The following SOX5 variants were observed in gnomAD, a reference collection of about 807,000 sequenced individuals.
SOX5 encodes transcription factor SOX-5.
Under a neutral mutation model 92.0 loss-of-function variants are expected in SOX5, and 9 were observed. That is an observed-to-expected ratio of 0.10 (90% CI 0.06 to 0.17). The LOEUF is 0.17. Ranked by LOEUF, SOX5 falls within the 10% of genes least tolerant of loss-of-function variation. The pLI is 1.00. For synonymous variants in SOX5, 344 were observed against 336.3 expected, an observed-to-expected ratio of 1.02 and a Z score of -0.25; for missense variants, 642 against 944.5, an observed-to-expected ratio of 0.68 and a Z score of 4.20.
chr12:23,683,427 A>G (rs1018607817), intron 6 of SOX5, among the ~76,000 whole-genome samples: 2 of 151,946 alleles, frequency 1.3e-5, no homozygotes, highest in African/African-American at 4.8e-5. Context: ...ACTGATCTGG[A>G]AAAATGTCAG....
chr12:24,546,932 T>C (rs1054535349), intron 1 of SOX5, among the ~76,000 whole-genome samples: 3 of 152,164 alleles, frequency 2.0e-5, no homozygotes, highest in African/African-American at 7.2e-5. Context: ...ACATAGGCCA[T>C]TATTAGCTCC....
chr12:23,612,189 A>C (rs1159144193), intron 8 of SOX5, among the ~76,000 whole-genome samples: 1 of 152,038 alleles, frequency 6.6e-6, no homozygotes, highest in South Asian at 2.1e-4. Context: ...GTATGCCATA[A>C]ATGAATATCA....
chr12:23,816,207 CTTT>C (rs11347313), intron 3 of SOX5, among the ~76,000 whole-genome samples: 25 of 129,600 alleles, frequency 1.9e-4, no homozygotes, highest in Admixed American at 6.4e-4. Flanking sequence ...GACAAGATTT[CTTT>C]TTTTTTTTTT....
chr12:24,301,490 C>T (rs1947942415), intron 2 of SOX5, among the ~76,000 whole-genome samples: 1 of 152,078 alleles, frequency 6.6e-6, no homozygotes, highest in Admixed American at 6.6e-5. Flanking sequence ...TATGCATTTT[C>T]CACCTCTCCA....
intron 3 of SOX5, among the ~76,000 whole-genome samples, chr12:23,792,854 A>G (rs1340157595): frequency 6.6e-6 from 1 of 152,054 alleles, no homozygotes; most frequent in Non-Finnish European, 1.5e-5. Flanking sequence ...ACTGTCCTGG[A>G]TGAACAGAAA....
intron 4 of SOX5, among the ~76,000 whole-genome samples, chr12:24,070,219 G>A (rs1030130704): frequency 3.3e-5 from 5 of 151,866 alleles, no homozygotes; most frequent in Admixed American, 6.6e-5. Flanking sequence ...TGTCCCTTCC[G>A]CTCCCTCCCC....
chr12:23,686,643 C>T (rs2087641043), intron 6 of SOX5, among the ~76,000 whole-genome samples: 1 of 152,082 alleles, frequency 6.6e-6, no homozygotes, highest in African/African-American at 2.4e-5. Context: ...TATGACATAT[C>T]CTTTCTATAT....
intron 4 of SOX5, among the ~76,000 whole-genome samples, chr12:24,175,615 T>C (rs1954720398): frequency 6.6e-6 from 1 of 152,232 alleles, no homozygotes; most frequent in African/African-American, 2.4e-5. Context: ...CATATATATT[T>C]TATTTGTATG....
At chr12:24,140,524 T>G (rs1375001351) in intron 4 of SOX5, among the ~76,000 whole-genome samples, 2 of 152,168 alleles carry the variant, frequency 1.3e-5, no homozygotes, top group Non-Finnish European at 2.9e-5. Flanking sequence ...TTGATGCCAA[T>G]GAAATATATT....
chr12:24,439,218 T>C (rs1262165154), intron 1 of SOX5, among the ~76,000 whole-genome samples: 3 of 152,250 alleles, frequency 2.0e-5, no homozygotes, highest in African/African-American at 7.2e-5. Flanking sequence ...AATTAAGGTA[T>C]GTACGTTCTT....
At chr12:23,973,112 T>C (rs1948526519) in intron 4 of SOX5, among the ~76,000 whole-genome samples, 1 of 151,638 alleles carries the variant, frequency 6.6e-6, no homozygotes. Flanking sequence ...CATAATGTCC[T>C]CCAGGTCCAT....
chr12:24,215,313 G>A (rs867065600), intron 3 of SOX5, among the ~76,000 whole-genome samples: 35 of 152,148 alleles, frequency 2.3e-4, no homozygotes, highest in Middle Eastern at 3.4e-3. Flanking sequence ...TATGATTATC[G>A]CTATTTGTAG....
At chr12:24,065,645 C>CAACAA (rs1940570592) in intron 4 of SOX5, among the ~76,000 whole-genome samples, 1 of 81,672 alleles carries the variant, frequency 1.2e-5, no homozygotes, top group Non-Finnish European at 2.3e-5. Context: ...GACTCCATCT[C>CAACAA]AAAAAAAAAA....
At chr12:23,779,954 A>AGTGT (rs1255750782) in intron 3 of SOX5, among the ~76,000 whole-genome samples, 3 of 41,070 alleles carry the variant, frequency 7.3e-5, no homozygotes, top group African/African-American at 1.4e-4. Context: ...ACACAGCGAG[A>AGTGT]CTGTGTGTGT....
At chr12:23,734,112 C>G (rs1468335495) in intron 6 of SOX5, among the ~76,000 whole-genome samples, 1 of 152,178 alleles carries the variant, frequency 6.6e-6, no homozygotes, top group African/African-American at 2.4e-5. Context: ...GTTACCAATA[C>G]AGCTGCTTCC....
chr12:24,400,009 T>C (rs1961128088), intron 1 of SOX5, among the ~76,000 whole-genome samples: 1 of 152,236 alleles, frequency 6.6e-6, no homozygotes, highest in African/African-American at 2.4e-5. Flanking sequence ...TCTTTGATTA[T>C]GCCTTAGAAA....
chr12:24,481,168 A>G (rs562359509), intron 1 of SOX5, among the ~76,000 whole-genome samples: 2 of 152,306 alleles, frequency 1.3e-5, no homozygotes, highest in East Asian at 1.9e-4. Context: ...AAAGAAAAAC[A>G]TTGCATATTC....
intron 8 of SOX5, among the ~76,000 whole-genome samples, chr12:23,606,867 G>C (rs1365773414): frequency 2.0e-5 from 3 of 152,050 alleles, no homozygotes; most frequent in Non-Finnish European, 4.4e-5. Context: ...TGAAAGGGAA[G>C]AAACATTTGT....
intron 3 of SOX5, among the ~76,000 whole-genome samples, chr12:23,833,334 C>G (rs947334862): frequency 6.6e-6 from 1 of 151,676 alleles, no homozygotes; most frequent in Non-Finnish European, 1.5e-5. Flanking sequence ...TGGAGCCCAT[C>G]ATAAGAAATA....
Sources: allele counts gnomAD v4.1 joint callset (sites outside exome capture counted in the v4.1 genomes callset), GRCh38; gene constraint gnomAD v4.1.1; transcripts MANE v1.5; gene names NCBI Gene and HGNC (gene_info 2026-07-23, HGNC 2026-07-21).